NAIP: variants seen among roughly 807,000 people sequenced by gnomAD.
The protein encoded by NAIP is baculoviral IAP repeat-containing protein 1.
In NAIP, 15 loss-of-function variants were observed where a neutral mutation model predicts 23.0. That is an observed-to-expected ratio of 0.65 (90% CI 0.44 to 1.00). The LOEUF (loss-of-function observed/expected upper bound fraction) is 1.00, where lower values mean the gene tolerates loss of function less well. Among genes scored for constraint, NAIP ranks in the 50% least tolerant of loss-of-function variants. The probability of loss-of-function intolerance (pLI) is 0.00; values close to 1 mark genes in which losing one functional copy is unlikely to be tolerated. For missense variants in NAIP, 265 were observed against 278.8 expected (o/e 0.95, Z 0.35); for synonymous variants, 100 against 100.2 (o/e 1.00, Z 0.01).
intron 3 of NAIP, among the ~76,000 whole-genome samples, chr5:71,016,825 GT>G: frequency 1.9e-5 from 1 of 53,278 alleles, no homozygotes; most frequent in South Asian, 6.5e-4. Flanking sequence ...TAGTGTGCAA[GT>G]TTTTATATGG....
Position 71,014,553 on chromosome 5 carries a change from C to A in NAIP, c.-3-1635G>T, listed in dbSNP as rs759400265. ...ATATGATTAACAAGCACTTCCAATTCAGTCTTAGCTGGATATTTGGATTGA... is the reference window on the plus strand; with the variant it reads ...ATATGATTAACAAGCACTTCCAATTAAGTCTTAGCTGGATATTTGGATTGA... On this transcript the variant is annotated intron_variant, in intron 3 of 16. Coordinates refer to ENST00000517649, the MANE Select transcript of NAIP (RefSeq NM_004536.3). Among the ~76,000 whole-genome samples, 24 of 151,684 alleles carry A rather than the reference C, an allele frequency of 1.6e-4. 1 individual carries two copies. The highest frequency in any genetic ancestry group is 8.6e-4 in the Admixed American group (13 of 15,192).
chr5:71,011,436 G>A, intron 4 of NAIP, 62 bp from the exon 5 acceptor site: 1 of 1,340,878 alleles, frequency 7.5e-7, no homozygotes, highest in East Asian at 2.3e-5. Flanking sequence ...TGTACACAGA[G>A]TTGATTGTTT....
chr5:71,014,425 A>C (rs985514199), intron 3 of NAIP, among the ~76,000 whole-genome samples: 1 of 151,312 alleles, frequency 6.6e-6, no homozygotes, highest in Non-Finnish European at 1.5e-5. Context: ...GGGATTACAG[A>C]CGTGAGCCAC....
At chr5:71,017,713 T>TTG in intron 3 of NAIP, among the ~76,000 whole-genome samples, 1 of 74,804 alleles carries the variant, frequency 1.3e-5, no homozygotes, top group African/African-American at 4.2e-5. Context: ...GCTAATTTTT[T>TTG]TATTTTTAGT....
At chr5:71,011,519 TC>T in intron 4 of NAIP, 145 bp from the exon 5 acceptor site, 1 of 699,496 alleles carries the variant, frequency 1.4e-6, no homozygotes, top group Non-Finnish European at 2.4e-6. Context: ...CCATCCTCAA[TC>T]CCACCACCCA....
chr5:70,977,665 CAAAAAAAAAAAA>C (rs1219760084), intron 13 of NAIP, among the ~76,000 whole-genome samples: 2 of 77,510 alleles, frequency 2.6e-5, no homozygotes, highest in African/African-American at 1.0e-4. Flanking sequence ...ACTGCATCTC[CAAAAAAAAAAAA>C]AAAAAAAAAA....
chr5:71,013,405 G>A (rs1055836750), intron 3 of NAIP, among the ~76,000 whole-genome samples: 2 of 151,184 alleles, frequency 1.3e-5, no homozygotes, highest in South Asian at 2.1e-4. Context: ...TTGGGAGGCC[G>A]AGGCAGGTGG....
In NAIP at chr5:71,012,392, C is replaced by T; in HGVS notation, c.524G>A (p.Gly175Glu). ...CTCTGAGAGCACACAAGGGGATATC[C>T]CTTGGACATAAAATGGCCAGTTCCT... ...SFRNWPFYVQ[G>E]ISPCVLSEAG... Residue 175 changes from glycine (G) to glutamate (E), a missense_variant, in exon 4 of 17, where the codon GGG (glycine) becomes GAG (glutamate). Transcript: ENST00000517649. 1 of 1,611,592 alleles carries T rather than the reference C, an allele frequency of 6.2e-7. No individual in the cohort carries two copies. The highest frequency in any genetic ancestry group is 1.7e-5 in the Admixed American group (1 of 59,874).
intron 12 of NAIP, among the ~76,000 whole-genome samples, chr5:70,981,235 T>TA (rs1202747280): frequency 7.8e-6 from 1 of 128,948 alleles, no homozygotes; most frequent in Non-Finnish European, 1.6e-5. Context: ...GCCCAGGAGT[T>TA]CAAGACCAGA....
Position 71,011,349 on chromosome 5 carries a change from A to G in NAIP, c.594T>C (p.Phe198=), listed in dbSNP as rs1189768675. 1 of 1,605,714 alleles carries G rather than the reference A, an allele frequency of 6.2e-7. No individual in the cohort carries two copies. The highest frequency in any genetic ancestry group is 8.5e-7 in the Non-Finnish European group (1 of 1,175,278). The change falls in exon 5 of 17, where the codon TTT becomes TTC. Residue 198 remains phenylalanine, a synonymous_variant. Transcript: ENST00000517649. Reference sequence around the variant, plus strand: ...AATTTCCTAAACATCCACCACAGGAAAAACACTGTACCGTGTCCTGTTTAC... The same window carrying G: ...AATTTCCTAAACATCCACCACAGGAGAAACACTGTACCGTGTCCTGTTTAC... ...FTGKQDTVQC[F]SCGGCLGNWE...
chr5:71,014,415 G>A (rs78788470), intron 3 of NAIP, among the ~76,000 whole-genome samples: 3,091 of 151,334 alleles, frequency 0.02, 143 homozygotes, highest in Middle Eastern at 0.034. Flanking sequence ...CTCCCACACC[G>A]GGATTACAGA....
At chr5:71,011,797 GGAGA>G in intron 4 of NAIP, 1 of 439,066 alleles carries the variant, frequency 2.3e-6, no homozygotes, top group East Asian at 6.6e-5. Flanking sequence ...CTGTGAAATG[GGAGA>G]GAAAGGGGTA....
At chr5:71,013,321 A>T (rs1279761600) in intron 3 of NAIP, among the ~76,000 whole-genome samples, 1 of 151,388 alleles carries the variant, frequency 6.6e-6, no homozygotes, top group East Asian at 1.9e-4. Context: ...TTAAAAAATC[A>T]TTATTTTGTG....
chr5:71,009,872 AG>A (rs1358001047), intron 5 of NAIP, among the ~76,000 whole-genome samples: 1 of 151,536 alleles, frequency 6.6e-6, no homozygotes, highest in African/African-American at 2.4e-5. Context: ...AAACAAAGAA[AG>A]TCATGTAGAA....
At chr5:71,014,965 G>A (rs1751364489) in intron 3 of NAIP, among the ~76,000 whole-genome samples, 1 of 151,694 alleles carries the variant, frequency 6.6e-6, no homozygotes, top group Non-Finnish European at 1.5e-5. Flanking sequence ...TTCCTCATTA[G>A]GTTGTAGCAA....
At chr5:70,977,285 AT>A (rs1164198617) in intron 13 of NAIP, among the ~76,000 whole-genome samples, 30 of 147,186 alleles carry the variant, frequency 2.0e-4, no homozygotes, top group Non-Finnish European at 8.8e-5. Context: ...TTTCTCTTCT[AT>A]AAAATACAAG....
chr5:71,012,300 T>C (rs768525622), intron 4 of NAIP, 48 bp downstream of exon 4: 1 of 1,503,896 alleles, frequency 6.6e-7, no homozygotes, highest in South Asian at 1.3e-5. Context: ...AAATAAAACC[T>C]AAACTTAAAA....
rs1751210895 is a variant in NAIP, at chr5:71,012,582, G to A, written c.334C>T (p.Leu112Phe). 4 of 1,611,772 alleles carry A rather than the reference G, an allele frequency of 2.5e-6. 1 individual carries two copies. The African/African-American group carries it at 5.4e-5, about 22-fold the overall frequency. Residue 112 changes from leucine (L) to phenylalanine (F), a missense_variant, in exon 4 of 17, where the codon CTC becomes TTC. Leu to Phe is a conservative substitution (Grantham distance 22, BLOSUM62 0). Transcript: ENST00000517649. ...AACCTCTTGTGGTCTTCTATGGGGA[G>A]TCTCGTGAGGCCGGCACCAAAGAGG... ...LILFGAGLTRLPIEDHKRFHP... is the reference protein window; with the variant it reads ...LILFGAGLTRFPIEDHKRFHP...
intron 5 of NAIP, among the ~76,000 whole-genome samples, chr5:71,010,973 C>T (rs989717720): frequency 6.6e-6 from 1 of 151,242 alleles, no homozygotes; most frequent in African/African-American, 2.4e-5. Context: ...TGGCTCACGC[C>T]TGTAATCCTA....
Sources: gnomAD v4.1 joint callset for allele counts (sites outside exome capture counted in the v4.1 genomes callset) on GRCh38, gnomAD v4.1.1 for gene constraint, MANE v1.5 for transcripts, NCBI Gene and HGNC (gene_info 2026-07-23, HGNC 2026-07-21) for gene names.